GATAD1: variants seen among roughly 807,000 people sequenced by gnomAD.
The protein encoded by GATAD1 is GATA zinc finger domain-containing protein 1.
A neutral mutation model predicts 26.5 loss-of-function variants in GATAD1; 12 were observed. The observed-to-expected ratio is 0.45, with a 90% CI of 0.29 to 0.73. The LOEUF (loss-of-function observed/expected upper bound fraction) is 0.73. Among genes scored for constraint, GATAD1 ranks in the 30% least tolerant of loss-of-function variants. GATAD1 has a pLI of 0.10. For synonymous variants in GATAD1, 129 were observed against 133.1 expected (o/e 0.97, Z 0.21); for missense variants, 266 against 342.1 (o/e 0.78, Z 1.75).
rs781433178 is a variant in GATAD1 at position 92,456,468 on chromosome 7, C to T, written c.716C>T (p.Thr239Ile). ...YFKSRSSPFP[T>I]VPTRPEKGYI... is the part of the protein sequence containing the mutation. Reference sequence around the variant, plus strand: ...AAGTCACGGTCATCACCATTTCCCACAGTTCCCACCAGACCAGAGAAGGGC... The same window carrying T: ...AAGTCACGGTCATCACCATTTCCCATAGTTCCCACCAGACCAGAGAAGGGC... Residue 239 changes from threonine (T) to isoleucine (I), a missense_variant, in exon 5 of 5, where the codon ACA (threonine) becomes ATA (isoleucine). By Grantham distance (89) the Thr-to-Ile change is moderately conservative (BLOSUM62 -1). Coordinates refer to ENST00000287957, the MANE Select transcript of GATAD1 (RefSeq NM_021167.5). 1.2e-6 allele frequency: 2 copies of T among 1,611,068 alleles called. No homozygotes were observed. The highest frequency in any genetic ancestry group is 1.7e-6 in the Non-Finnish European group (2 of 1,177,328).
the GATAD1 span, among the ~76,000 whole-genome samples, chr7:92,492,306 G>A: frequency 6.6e-6 from 1 of 152,080 alleles, no homozygotes; most frequent in African/African-American, 2.4e-5. Context: ...ACCATGCCCA[G>A]CTAATTTTTA....
the GATAD1 span, among the ~76,000 whole-genome samples, chr7:92,478,453 A>T: frequency 1.3e-5 from 2 of 152,148 alleles, no homozygotes; most frequent in African/African-American, 4.8e-5. Flanking sequence ...GTTACAATCG[A>T]AATGGGCTGA....
At chr7:92,466,407 G>A in the GATAD1 span, among the ~76,000 whole-genome samples, 5 of 151,928 alleles carry the variant, frequency 3.3e-5, no homozygotes, top group African/African-American at 1.2e-4. Flanking sequence ...GCAGTCCTCC[G>A]ACCTTGGCCT....
At chr7:92,491,111 C>T in the GATAD1 span, 1 of 603,018 alleles carries the variant, frequency 1.7e-6, no homozygotes, top group African/African-American at 1.9e-5. Context: ...ACAAGGAATG[C>T]AAATTACCAA....
the GATAD1 span, among the ~76,000 whole-genome samples, chr7:92,465,754 C>A: frequency 6.6e-6 from 1 of 152,164 alleles, no homozygotes; most frequent in Non-Finnish European, 1.5e-5. Flanking sequence ...TGTAATCCCC[C>A]ACCTTGGGAG....
the GATAD1 span, among the ~76,000 whole-genome samples, chr7:92,474,234 T>C: frequency 2.0e-5 from 3 of 152,318 alleles, no homozygotes; most frequent in Admixed American, 6.5e-5. Flanking sequence ...ATAGGGTTTC[T>C]AAGTTTTGCT....
chr7:92,469,327 T>C, the GATAD1 span: 1 of 764,560 alleles, frequency 1.3e-6, no homozygotes, highest in Non-Finnish European at 2.4e-6. Flanking sequence ...ATTTAGTTCT[T>C]GAGATAGTTT....
chr7:92,465,487 C>T, the GATAD1 span, among the ~76,000 whole-genome samples: 4 of 151,708 alleles, frequency 2.6e-5, no homozygotes, highest in Middle Eastern at 3.4e-3. Flanking sequence ...CTGTGGTGGC[C>T]GCTGCCTGTA....
the GATAD1 span, among the ~76,000 whole-genome samples, chr7:92,482,654 G>A: frequency 6.6e-6 from 1 of 152,090 alleles, no homozygotes; most frequent in Non-Finnish European, 1.5e-5. Flanking sequence ...GATATGAGAG[G>A]AAGATATGAA....
At chr7:92,467,354 G>T in the GATAD1 span, among the ~76,000 whole-genome samples, 13 of 152,106 alleles carry the variant, frequency 8.5e-5, no homozygotes, top group Non-Finnish European at 1.3e-4. Context: ...ATTTCAAAGA[G>T]ACTGAGAAAG....
At chr7:92,470,436 C>T in the GATAD1 span, 4 of 634,290 alleles carry the variant, frequency 6.3e-6, no homozygotes, top group Non-Finnish European at 8.6e-6. Context: ...AGAGCAGGCG[C>T]AAATCCTCTA....
At chr7:92,472,909 C>T in the GATAD1 span, 3 of 152,292 alleles carry the variant, frequency 2.0e-5, no homozygotes, top group Admixed American at 2.0e-4. Context: ...CTTGATGGCA[C>T]AAGGTTTCTG....
At position 92,459,786 on chromosome 7, in the gene GATAD1, C is replaced by T. The variant is rs1214627889; in HGVS notation, c.*3224C>T. Among the ~76,000 whole-genome samples the T allele has an allele frequency of 6.6e-6, 1 of 152,204 alleles. No individual in the cohort carries two copies. Among genetic ancestry groups the T allele is most frequent in the Non-Finnish European group, 1.5e-5 (1 of 68,034 alleles). On this transcript the variant is annotated 3_prime_UTR_variant, in exon 5 of 5. Coordinates refer to ENST00000287957, the MANE Select transcript of GATAD1 (RefSeq NM_021167.5). ...GTGTTTTATTTACTCATCTTTGTAA[C>T]TTCCACATAACCTAACCCCGGTTCT...
In GATAD1 at chr7:92,448,799, A is replaced by G; in HGVS notation, c.297A>G (p.Lys99=). The change falls in exon 2 of 5, where the codon AAA becomes AAG. Residue 99 remains lysine (K), a synonymous_variant. Coordinates refer to ENST00000287957, the MANE Select transcript of GATAD1 (RefSeq NM_021167.5). ...HRRSARLRNT[K]YKSAPAAEKK... Reference sequence around the variant, plus strand: ...GGTCTGCTCGGCTCAGAAACACTAAATACAAATCTGCTCCGGCTGCTGAAA... The same window carrying G: ...GGTCTGCTCGGCTCAGAAACACTAAGTACAAATCTGCTCCGGCTGCTGAAA... 6.2e-7 allele frequency: 1 copy of G among 1,610,580 alleles called. No individual in the cohort carries two copies.
Position 92,447,489 on chromosome 7 carries a change from A to G in GATAD1, c.-241A>G, listed in dbSNP as rs1789191924. On this transcript the variant is annotated 5_prime_UTR_variant, in exon 1 of 5. Coordinates refer to ENST00000287957, the MANE Select transcript of GATAD1 (RefSeq NM_021167.5). The stretch of plus-strand genomic sequence containing the variant: ...CCCACCCCGGCCAGATCCCTTTCCC[A>G]GTCCTGCTTCCCAGTGCCTCGGGCC... The G allele has an allele frequency of 9.4e-6, 3 of 319,144 alleles. No individual in the cohort carries two copies. Among genetic ancestry groups the G allele is most frequent in the South Asian group, 6.8e-5 (1 of 14,782 alleles). 19.8% of individuals were successfully genotyped at this position (319,144 alleles called of 1,614,324 possible).
chr7:92,447,645 G>A lies in GATAD1; in HGVS notation c.-85G>A. 2 of 1,318,082 alleles carry A rather than the reference G, an allele frequency of 1.5e-6. No homozygotes were observed. The highest frequency in any genetic ancestry group is 1.9e-5 in the South Asian group (1 of 53,160). 81.6% of individuals were successfully genotyped at this position (1,318,082 alleles called of 1,614,324 possible). A position where few individuals can be genotyped will look rare whatever the true frequency, so the allele number is the denominator to read the frequency against. Reference sequence around the variant, plus strand: ...CTCACCGCTCTTCCTATCGCCGGGAGTGGCGGGCCGACCAGGGGGCGGCCG... The same window carrying A: ...CTCACCGCTCTTCCTATCGCCGGGAATGGCGGGCCGACCAGGGGGCGGCCG... On this transcript the variant is annotated 5_prime_UTR_variant, in exon 1 of 5. It adds an upstream start codon to the 5' untranslated region. Transcript: ENST00000287957.
the GATAD1 span, chr7:92,494,614 C>CT: frequency 6.2e-7 from 1 of 1,613,982 alleles, no homozygotes; most frequent in Non-Finnish European, 8.5e-7. Flanking sequence ...GAATGCAGGG[C>CT]TTTGCAGCCT....
At chr7:92,478,584 G>C in the GATAD1 span, among the ~76,000 whole-genome samples, 1 of 152,270 alleles carries the variant, frequency 6.6e-6, no homozygotes, top group East Asian at 1.9e-4. Context: ...GCAGTGGTCT[G>C]ACCTGCAGGG....
chr7:92,451,837 A>G (rs1789445013), intron 3 of GATAD1, among the ~76,000 whole-genome samples: 1 of 152,250 alleles, frequency 6.6e-6, no homozygotes, highest in African/African-American at 2.4e-5. Context: ...AGATGAGAAC[A>G]TTGAGGCACA....
Sources: gnomAD v4.1 joint callset for allele counts (sites outside exome capture counted in the v4.1 genomes callset) on GRCh38, gnomAD v4.1.1 for gene constraint, MANE v1.5 for transcripts, NCBI Gene and HGNC (gene_info 2026-07-23, HGNC 2026-07-21) for gene names.